The following EBF1 variants were observed in gnomAD, a reference collection of about 807,000 sequenced individuals.
EBF1 encodes transcription factor COE1.
A neutral mutation model predicts 68.4 loss-of-function variants in EBF1; 10 were observed. That is an observed-to-expected ratio of 0.15 (90% CI 0.09 to 0.25). EBF1 has a LOEUF of 0.25. EBF1 is among the 10% of genes least tolerant of loss of function. EBF1 has a pLI of 1.00. For synonymous variants in EBF1, 298 were observed against 299.8 expected, an observed-to-expected ratio of 0.99 and a Z score of 0.06; for missense variants, 509 against 794.4, an observed-to-expected ratio of 0.64 and a Z score of 4.32.
intron 9 of EBF1, among the ~76,000 whole-genome samples, chr5:158,784,162 C>T (rs1776966220): frequency 6.6e-6 from 1 of 152,076 alleles, no homozygotes; most frequent in African/African-American, 2.4e-5. Context: ...TGATTTACAT[C>T]CTGTAGTATT....
At chr5:158,773,079 G>C (rs1028681053) in intron 10 of EBF1, among the ~76,000 whole-genome samples, 5 of 152,018 alleles carry the variant, frequency 3.3e-5, no homozygotes, top group African/African-American at 1.2e-4. Context: ...CCCCTTAGGA[G>C]GGAGGGAGGA....
chr5:158,714,677 A>G (rs984421955), intron 11 of EBF1, among the ~76,000 whole-genome samples: 1 of 152,162 alleles, frequency 6.6e-6, no homozygotes, highest in Admixed American at 6.5e-5. Context: ...GATGGTAGAG[A>G]CATAATATAA....
At chr5:158,963,157 A>G (rs4921445) in intron 6 of EBF1, among the ~76,000 whole-genome samples, 26,038 of 152,136 alleles carry the variant, frequency 0.17, 2,571 homozygotes, top group African/African-American at 0.27. Context: ...AATGAATGAT[A>G]TTCACTAAAG....
intron 8 of EBF1, among the ~76,000 whole-genome samples, chr5:158,804,732 A>C (rs920527934): frequency 1.3e-5 from 2 of 152,140 alleles, no homozygotes; most frequent in African/African-American, 4.8e-5. Context: ...AGGTGTGACT[A>C]CACTGTTTTC....
At chr5:158,962,104 T>C (rs1229049748) in intron 6 of EBF1, among the ~76,000 whole-genome samples, 1 of 152,184 alleles carries the variant, frequency 6.6e-6, no homozygotes, top group Non-Finnish European at 1.5e-5. Flanking sequence ...CACAGGACTG[T>C]GTTTAAGTGA....
chr5:158,869,196 T>C (rs2128054291), intron 6 of EBF1, among the ~76,000 whole-genome samples: 1 of 152,280 alleles, frequency 6.6e-6, no homozygotes, highest in South Asian at 2.1e-4. Context: ...CTGTCTGCTC[T>C]GGTTGCTCTA....
intron 5 of EBF1, among the ~76,000 whole-genome samples, chr5:159,083,720 G>A (rs548015532): frequency 2.0e-5 from 3 of 152,314 alleles, no homozygotes; most frequent in South Asian, 2.1e-4. Flanking sequence ...AGCCCTAAAC[G>A]GATTGGTCAG....
rs1406072221 is a variant in EBF1 at position 158,849,009 on chromosome 5, T to C, written c.555-8899A>G. ...ACAGACCTTTCCAGAGAGTCCAATA[T>C]GTAGTGATGCTTCTCATTCAATACC... On this transcript the variant is annotated intron_variant, in intron 6 of 15. Transcript: ENST00000313708. Among the ~76,000 whole-genome samples the C allele has an allele frequency of 3.3e-5, 5 of 152,204 alleles. No homozygotes were observed. The East Asian group carries it at 7.7e-4, about 23-fold the overall frequency.
intron 6 of EBF1, among the ~76,000 whole-genome samples, chr5:158,987,446 T>C (rs1413777708): frequency 6.6e-6 from 1 of 152,220 alleles, no homozygotes; most frequent in Non-Finnish European, 1.5e-5. Context: ...TTTTAATTTT[T>C]CAAAGCCTTT....
At chr5:159,078,753 A>G (rs998303159) in intron 5 of EBF1, among the ~76,000 whole-genome samples, 2 of 152,220 alleles carry the variant, frequency 1.3e-5, no homozygotes, top group African/African-American at 4.8e-5. Flanking sequence ...TACACTACGG[A>G]CCGAAATCAG....
At chr5:158,735,053 C>T (rs935601359) in intron 10 of EBF1, among the ~76,000 whole-genome samples, 3 of 152,176 alleles carry the variant, frequency 2.0e-5, no homozygotes, top group Non-Finnish European at 4.4e-5. Context: ...ATTCAGTAAT[C>T]ATTTTTAGTG....
chr5:158,799,626 A>C (rs983982993), intron 8 of EBF1, among the ~76,000 whole-genome samples: 4 of 152,172 alleles, frequency 2.6e-5, no homozygotes, highest in African/African-American at 4.8e-5. Flanking sequence ...AAGACATACA[A>C]ACGAATGCAG....
At chr5:158,828,635 G>T (rs1786764720) in intron 7 of EBF1, among the ~76,000 whole-genome samples, 1 of 152,170 alleles carries the variant, frequency 6.6e-6, no homozygotes, top group African/African-American at 2.4e-5. Context: ...CCATATTCTG[G>T]TTGTCATATT....
chr5:158,767,209 C>T (rs937434282), intron 10 of EBF1, among the ~76,000 whole-genome samples: 1 of 152,138 alleles, frequency 6.6e-6, no homozygotes, highest in African/African-American at 2.4e-5. Flanking sequence ...TACTCAAAAA[C>T]ATTAACAGTG....
At chr5:159,024,932 G>A (rs148998468) in intron 6 of EBF1, among the ~76,000 whole-genome samples, 91 of 152,340 alleles carry the variant, frequency 6.0e-4, no homozygotes, top group South Asian at 1.0e-3. Context: ...ACATAGGTGC[G>A]CAGAGCCACC....
At chr5:158,801,599 T>TAA (rs1780590328) in intron 8 of EBF1, among the ~76,000 whole-genome samples, 1 of 150,978 alleles carries the variant, frequency 6.6e-6, no homozygotes. Flanking sequence ...AGTCAGGGCC[T>TAA]AATTACCAGA....
At chr5:158,715,580 C>T (rs915737446) in intron 11 of EBF1, among the ~76,000 whole-genome samples, 5 of 152,074 alleles carry the variant, frequency 3.3e-5, no homozygotes, top group African/African-American at 1.2e-4. Context: ...GATAGACCCC[C>T]TTTATAAAAC....
chr5:158,804,558 T>A (rs1442274027), intron 8 of EBF1, among the ~76,000 whole-genome samples: 4 of 152,124 alleles, frequency 2.6e-5, no homozygotes, highest in Non-Finnish European at 5.9e-5. Flanking sequence ...ATTTGACAAT[T>A]TAGCAGTAAG....
chr5:158,753,826 A>C (rs1355413262), intron 10 of EBF1, among the ~76,000 whole-genome samples: 3 of 152,092 alleles, frequency 2.0e-5, no homozygotes, highest in African/African-American at 7.2e-5. Flanking sequence ...TACTTCCAAA[A>C]ATGTTTACTT....
Sources: allele counts gnomAD v4.1 joint callset (sites outside exome capture counted in the v4.1 genomes callset), GRCh38; gene constraint gnomAD v4.1.1; transcripts MANE v1.5; gene names NCBI Gene and HGNC (gene_info 2026-07-23, HGNC 2026-07-21).